The following ZC3H12D variants were observed in gnomAD, a reference collection of about 807,000 sequenced individuals.
The protein encoded by ZC3H12D is zinc finger CCCH-type containing 12D.
Under a neutral mutation model 24.2 loss-of-function variants are expected in ZC3H12D, and 11 were observed. That is an observed-to-expected ratio of 0.46 (90% CI 0.29 to 0.75). The LOEUF (loss-of-function observed/expected upper bound fraction) is 0.75, where lower values mean the gene tolerates loss of function less well. Among genes scored for constraint, ZC3H12D ranks in the 30% least tolerant of loss-of-function variants. The pLI is 0.11. For missense variants in ZC3H12D, 740 were observed against 767.7 expected (o/e 0.96, Z 0.43); for synonymous variants, 333 against 341.8 (o/e 0.97, Z 0.28).
chr6:149,480,766 A>T (rs1371819598), intron 1 of ZC3H12D, among the ~76,000 whole-genome samples: 4 of 152,128 alleles, frequency 2.6e-5, no homozygotes, highest in African/African-American at 9.7e-5. Flanking sequence ...AACAAAAAAC[A>T]GGTGAGGAAG....
Position 149,456,627 on chromosome 6 carries a change from C to CCCCCCCCCCCCCGGGGG in ZC3H12D, c.680+38_680+39insCCCCCGGGGGGGGGGGG. 2.4e-5 allele frequency: 33 copies of CCCCCCCCCCCCCGGGGG among 1,403,000 alleles called. No individual in the cohort carries two copies. Among genetic ancestry groups the CCCCCCCCCCCCCGGGGG allele is most frequent in the Non-Finnish European group, 2.4e-5 (24 of 997,634 alleles). The allele number at this position is 1,403,000 out of a possible 1,614,324, so 86.9% of individuals were successfully genotyped here. On this transcript the variant is annotated intron_variant, in intron 4 of 5. Coordinates refer to ENST00000409806, the MANE Select transcript of ZC3H12D (RefSeq NM_207360.3). The surrounding 1 kb of genome is among the most constrained non-coding windows in gnomAD (Gnocchi z 4.3). ...CTGCCTCGACCCCGGCCCCCCGCCC[C>CCCCCCCCCCCCCGGGGG]GCCGCCCCCCAGGGTGTCAGGACCC...
intron 2 of ZC3H12D, among the ~76,000 whole-genome samples, chr6:149,462,729 G>C (rs117153438): frequency 0.014 from 2,206 of 152,314 alleles, 28 homozygotes; most frequent in Middle Eastern, 0.027. Flanking sequence ...TAGAATGAGC[G>C]GACTTGCTGA....
At chr6:149,459,058 T>A (rs1008957153) in intron 3 of ZC3H12D, among the ~76,000 whole-genome samples, 7 of 152,074 alleles carry the variant, frequency 4.6e-5, no homozygotes, top group Non-Finnish European at 1.0e-4. Flanking sequence ...AGTTTGAGAC[T>A]TGTCTTTCCA....
At chr6:149,475,130 G>A (rs912754513) in intron 1 of ZC3H12D, among the ~76,000 whole-genome samples, 1 of 152,178 alleles carries the variant, frequency 6.6e-6, no homozygotes, top group Admixed American at 6.5e-5. Flanking sequence ...GGAGAAGGGA[G>A]AAAGCAACCC....
rs371050181 is a variant in ZC3H12D at position 149,476,760 on chromosome 6, A to G, written c.-70-2147T>C. ...GAGTTTGAGGCTGCAGTGAGCCGAGATCATACCACTGCACTTCAGTCCAGA... is the reference window on the plus strand; with the variant it reads ...GAGTTTGAGGCTGCAGTGAGCCGAGGTCATACCACTGCACTTCAGTCCAGA... On this transcript the variant is annotated intron_variant, in intron 1 of 5. Transcript: ENST00000409806. Among the ~76,000 whole-genome samples the G allele has an allele frequency of 3.9e-5, 6 of 152,150 alleles. No homozygotes were observed. The East Asian group carries it at 5.8e-4, about 15-fold the overall frequency.
At chr6:149,469,361 G>T (rs1776209144) in intron 2 of ZC3H12D, among the ~76,000 whole-genome samples, 1 of 152,162 alleles carries the variant, frequency 6.6e-6, no homozygotes, top group African/African-American at 2.4e-5. Flanking sequence ...GGGAGGCTGA[G>T]GCAGGGGAAT....
intron 2 of ZC3H12D, among the ~76,000 whole-genome samples, chr6:149,466,067 G>A (rs1776156924): frequency 6.6e-6 from 1 of 152,080 alleles, no homozygotes; most frequent in Non-Finnish European, 1.5e-5. Flanking sequence ...CCCATCCCTC[G>A]CATGACCCCA....
chr6:149,457,179 T>A (rs1775998148), intron 3 of ZC3H12D, among the ~76,000 whole-genome samples: 1 of 152,170 alleles, frequency 6.6e-6, no homozygotes, highest in African/African-American at 2.4e-5. Context: ...GAGAGTCACT[T>A]CAGAAGGAAG....
At chr6:149,459,924 T>TAC (rs34714872) in intron 3 of ZC3H12D, among the ~76,000 whole-genome samples, 97,989 of 151,988 alleles carry the variant, frequency 0.64, 33,927 homozygotes, top group African/African-American at 0.9. Flanking sequence ...TGCGCAGATA[T>TAC]AGTCATGCAC....
At chr6:149,458,129 T>G (rs13210775) in intron 3 of ZC3H12D, among the ~76,000 whole-genome samples, 11 of 58,200 alleles carry the variant, frequency 1.9e-4, no homozygotes, top group African/African-American at 4.2e-4. Flanking sequence ...TTTTCGTTTC[T>G]TTTTTTTTTT....
chr6:149,475,751 A>G (rs1344733829), intron 1 of ZC3H12D, among the ~76,000 whole-genome samples: 1 of 148,358 alleles, frequency 6.7e-6, no homozygotes, highest in Non-Finnish European at 1.5e-5. Context: ...AATTTCATCC[A>G]TCCCAGCCAG....
At chr6:149,458,119 T>G (rs1276166135) in intron 3 of ZC3H12D, among the ~76,000 whole-genome samples, 1 of 128,082 alleles carries the variant, frequency 7.8e-6, no homozygotes, top group East Asian at 2.1e-4. Context: ...TTCTTTTTTT[T>G]TTTCGTTTCT....
At chr6:149,463,186 G>C (rs1432698151) in intron 2 of ZC3H12D, among the ~76,000 whole-genome samples, 1 of 152,218 alleles carries the variant, frequency 6.6e-6, no homozygotes, top group Non-Finnish European at 1.5e-5. Flanking sequence ...CACCCTGAGA[G>C]ATGGTTGTAA....
chr6:149,458,128 CTTTTTTTTTTT>C lies in ZC3H12D; in HGVS notation c.446-1239_446-1229del, dbSNP rs1189920889. ...TTCTTTTTCTTTTTTTTTTTCGTTT[CTTTTTTTTTTT>C]TTTTTTTTTTTTTTGAGACAAGATC... is the stretch of plus-strand genomic sequence containing the variant. On this transcript the variant is annotated intron_variant, in intron 3 of 5. Coordinates refer to ENST00000409806, the MANE Select transcript of ZC3H12D (RefSeq NM_207360.3). 2.0e-4 allele frequency among the ~76,000 whole-genome samples: 8 copies of C among 39,760 alleles called. 1 individual carries two copies. Among genetic ancestry groups the C allele is most frequent in the Admixed American group, 1.5e-3 (4 of 2,622 alleles). 26.1% of individuals were successfully genotyped at this position (39,760 alleles called of 152,430 possible).
In ZC3H12D at chr6:149,456,753, T is replaced by C. The variant is rs756151483; in HGVS notation, c.593A>G (p.Asp198Gly). ...CTCGCTCTGCAGGTCCCGGTAGTTG[T>C]CGTTGGAGACGATGACGCCGTCCTG... ...YEQDGVIVSN[D>G]NYRDLQSENP... Residue 198 changes from aspartate (D) to glycine (G), a missense_variant, in exon 4 of 6, where the codon GAC becomes GGC. Asp to Gly is a moderately conservative substitution (Grantham distance 94). Coordinates refer to ENST00000409806, the MANE Select transcript of ZC3H12D (RefSeq NM_207360.3). This position sits in a 1 kb window ranked among gnomAD's most constrained non-coding sequence, Gnocchi z 4.3. 9.9e-6 allele frequency: 16 copies of C among 1,613,696 alleles called. No individual in the cohort carries two copies. Among genetic ancestry groups the C allele is most frequent in the Non-Finnish European group, 1.2e-5 (14 of 1,179,808 alleles).
intron 2 of ZC3H12D, among the ~76,000 whole-genome samples, chr6:149,469,479 C>A (rs1466742687): frequency 2.6e-5 from 4 of 151,986 alleles, no homozygotes; most frequent in African/African-American, 9.7e-5. Context: ...GAAAATGCTG[C>A]AACTGTTGGC....
intron 2 of ZC3H12D, among the ~76,000 whole-genome samples, chr6:149,466,938 G>T (rs1301975126): frequency 6.9e-6 from 1 of 145,182 alleles, no homozygotes; most frequent in Non-Finnish European, 1.5e-5. Flanking sequence ...AAATAAAAAA[G>T]CTGTTTCTTA....
In ZC3H12D at chr6:149,450,325, C is replaced by T. The variant is rs940513979; in HGVS notation, c.*358G>A. ...AGACTCAGCCTGATGGCACAGGGTGCGCTTTGCCCTGTCCCAGTCCACTGT... is the reference window on the plus strand; with the variant it reads ...AGACTCAGCCTGATGGCACAGGGTGTGCTTTGCCCTGTCCCAGTCCACTGT... On this transcript the variant is annotated 3_prime_UTR_variant, in exon 6 of 6. Transcript: ENST00000409806. The T allele has an allele frequency of 3.9e-5, 9 of 229,772 alleles. No individual in the cohort carries two copies. Among genetic ancestry groups the T allele is most frequent in the African/African-American group, 1.4e-4 (6 of 43,948 alleles). The allele number at this position is 229,772 out of a possible 1,614,324, so 14.2% of individuals were successfully genotyped here.
intron 1 of ZC3H12D, among the ~76,000 whole-genome samples, chr6:149,481,815 C>T (rs951796338): frequency 5.9e-5 from 9 of 152,194 alleles, no homozygotes; most frequent in Admixed American, 5.9e-4. Flanking sequence ...CAGAGATGAT[C>T]GGCAGTGACA....
Sources: allele counts gnomAD v4.1 joint callset (sites outside exome capture counted in the v4.1 genomes callset), GRCh38; gene constraint gnomAD v4.1.1; non-coding constraint Gnocchi (gnomAD v3.1); transcripts MANE v1.5; gene names NCBI Gene and HGNC (gene_info 2026-07-23, HGNC 2026-07-21).